Variants in MDGA2 observed in about 807,000 individuals in gnomAD.
MDGA2 encodes MAM domain containing glycosylphosphatidylinositol anchor 2.
MDGA2 carries 40 observed loss-of-function variants against 117.8 expected under a neutral mutation model. The observed-to-expected ratio is 0.34, with a 90% CI of 0.26 to 0.44. MDGA2 has a LOEUF of 0.44. MDGA2 is among the 20% of genes least tolerant of loss of function. The pLI, the probability that MDGA2 is intolerant of heterozygous loss-of-function variation, is 1.00. For missense variants in MDGA2, 1,123 were observed against 1,250.6 expected (o/e 0.90, Z 1.54); for synonymous variants, 452 against 439.0 (o/e 1.03, Z -0.37).
Position 47,567,425 on chromosome 14 carries a change from C to A in MDGA2, c.280+107092G>T, listed in dbSNP as rs1289331917. Among the ~76,000 whole-genome samples, 3 of 152,194 alleles carry A rather than the reference C, an allele frequency of 2.0e-5. No individual in the cohort carries two copies. In the East Asian group the frequency reaches 5.8e-4, roughly 29 times the overall value. Reference sequence around the variant, plus strand: ...GAAATGCTACATGTTGAATGACACACTCTAGCAACCATTCAACATTTGCTT... The same window carrying A: ...GAAATGCTACATGTTGAATGACACAATCTAGCAACCATTCAACATTTGCTT... On this transcript the variant is annotated intron_variant, in intron 1 of 16. Coordinates refer to ENST00000399232, the MANE Select transcript of MDGA2 (RefSeq NM_001113498.3).
At chr14:47,601,746 G>A (rs1594938417) in intron 1 of MDGA2, among the ~76,000 whole-genome samples, 1 of 152,152 alleles carries the variant, frequency 6.6e-6, no homozygotes, top group African/African-American at 2.4e-5. Flanking sequence ...AAGGTCAAAG[G>A]GTCATGTTTT....
chr14:47,636,981 A>C (rs1448706028), intron 1 of MDGA2, among the ~76,000 whole-genome samples: 2 of 151,988 alleles, frequency 1.3e-5, no homozygotes, highest in African/African-American at 4.8e-5. Context: ...CAAAAAAAAA[A>C]AATTAAAAAA....
Position 46,864,394 on chromosome 14 carries a change from T to C in MDGA2, c.2752+9039A>G, listed in dbSNP as rs1458512295. On this transcript the variant is annotated intron_variant, in intron 14 of 16. Transcript: ENST00000399232. ...TAACTTAATTATTTTGCCTTATTTT[T>C]ATGTCTTTACATTTTAGTTCTTTAC... Among the ~76,000 whole-genome samples the C allele has an allele frequency of 2.0e-5, 3 of 151,192 alleles. No individual in the cohort carries two copies. In the Admixed American group the frequency reaches 2.0e-4, roughly 10 times the overall value.
At position 46,860,848 on chromosome 14, in the gene MDGA2, T is replaced by C. The variant is rs112636747; in HGVS notation, c.2753-5694A>G. ...ATTCTTATATGCTTTGTTAAATATA[T>C]AAAGCATATGCTGTACACATTTTAC... On this transcript the variant is annotated intron_variant, in intron 14 of 16. Transcript: ENST00000399232. Among the ~76,000 whole-genome samples the C allele has an allele frequency of 7.9e-5, 12 of 152,110 alleles. 1 individual carries two copies. Among genetic ancestry groups the C allele is most frequent in the African/African-American group, 2.6e-4 (11 of 41,576 alleles).
intron 4 of MDGA2, among the ~76,000 whole-genome samples, chr14:47,135,256 C>G (rs1882396597): frequency 6.6e-6 from 1 of 151,992 alleles, no homozygotes; most frequent in East Asian, 1.9e-4. Flanking sequence ...GGTTGTTTTA[C>G]CATTGAATAT....
chr14:46,911,078 T>C (rs1883682535), intron 10 of MDGA2, among the ~76,000 whole-genome samples: 1 of 152,060 alleles, frequency 6.6e-6, no homozygotes, highest in Non-Finnish European at 1.5e-5. Context: ...GAAATAATCT[T>C]CACAACAAAC....
intron 8 of MDGA2, among the ~76,000 whole-genome samples, chr14:46,963,517 A>G (rs1172483369): frequency 6.6e-6 from 1 of 152,218 alleles, no homozygotes; most frequent in Non-Finnish European, 1.5e-5. Flanking sequence ...TCCCAAACAC[A>G]TAAGTTTTCT....
intron 1 of MDGA2, among the ~76,000 whole-genome samples, chr14:47,635,087 C>T (rs893836704): frequency 6.6e-6 from 1 of 151,954 alleles, no homozygotes; most frequent in African/African-American, 2.4e-5. Flanking sequence ...AGACAGAAAA[C>T]ATTTAGATCA....
chr14:47,059,488 A>G, intron 7 of MDGA2: 1 of 384,768 alleles, frequency 2.6e-6, no homozygotes, highest in South Asian at 2.1e-5. Flanking sequence ...AAATTTCACA[A>G]ATCAATGTTG....
At chr14:47,210,380 G>T (rs1040603163) in intron 3 of MDGA2, among the ~76,000 whole-genome samples, 5 of 152,012 alleles carry the variant, frequency 3.3e-5, no homozygotes, top group Admixed American at 6.6e-5. Flanking sequence ...ATTTCTTTTT[G>T]AATTAAAAAC....
chr14:47,360,002 G>A (rs1266200653), intron 1 of MDGA2, among the ~76,000 whole-genome samples: 1 of 152,052 alleles, frequency 6.6e-6, no homozygotes, highest in Non-Finnish European at 1.5e-5. Flanking sequence ...ACCAAAATAT[G>A]TAAGAAATTC....
chr14:47,172,322 C>A (rs1481551186), intron 3 of MDGA2, among the ~76,000 whole-genome samples: 4 of 152,118 alleles, frequency 2.6e-5, no homozygotes, highest in African/African-American at 7.2e-5. Context: ...AGCTGGAGAT[C>A]TCAGAACCGG....
intron 9 of MDGA2, among the ~76,000 whole-genome samples, chr14:46,941,550 C>A (rs1885000567): frequency 6.6e-6 from 1 of 152,106 alleles, no homozygotes; most frequent in South Asian, 2.1e-4. Flanking sequence ...GGTGCTTAAA[C>A]AGACACCGGG....
At chr14:47,486,828 C>T (rs1352322873) in intron 1 of MDGA2, among the ~76,000 whole-genome samples, 1 of 152,178 alleles carries the variant, frequency 6.6e-6, no homozygotes, top group African/African-American at 2.4e-5. Flanking sequence ...GATTGTGAGG[C>T]TTCCTCAGCC....
At chr14:47,489,599 T>A (rs958646300) in intron 1 of MDGA2, among the ~76,000 whole-genome samples, 1 of 152,096 alleles carries the variant, frequency 6.6e-6, no homozygotes, top group Admixed American at 6.6e-5. Flanking sequence ...AAATGGACTA[T>A]ATAAAATTTG....
At chr14:46,917,102 T>C (rs1035415631) in intron 10 of MDGA2, among the ~76,000 whole-genome samples, 12 of 151,588 alleles carry the variant, frequency 7.9e-5, no homozygotes, top group South Asian at 6.2e-4. Context: ...GAAATGAAAC[T>C]CGAAGTGGAA....
chr14:47,052,313 G>A (rs1256663341), intron 7 of MDGA2, among the ~76,000 whole-genome samples: 1 of 151,744 alleles, frequency 6.6e-6, no homozygotes, highest in Non-Finnish European at 1.5e-5. Context: ...CTGAGAATTT[G>A]AAAAAGTATT....
At chr14:47,659,376 T>C (rs920599593) in intron 1 of MDGA2, among the ~76,000 whole-genome samples, 4 of 152,216 alleles carry the variant, frequency 2.6e-5, no homozygotes, top group East Asian at 1.9e-4. Flanking sequence ...GTGACAGCTA[T>C]GTAAAATGAA....
chr14:47,177,664 T>A (rs1884528239), intron 3 of MDGA2, among the ~76,000 whole-genome samples: 1 of 151,860 alleles, frequency 6.6e-6, no homozygotes, highest in South Asian at 2.1e-4. Flanking sequence ...ATGAGGGCAG[T>A]GGGGAGGGAT....
Sources: allele counts gnomAD v4.1 joint callset (sites outside exome capture counted in the v4.1 genomes callset), GRCh38; gene constraint gnomAD v4.1.1; transcripts MANE v1.5; gene names NCBI Gene and HGNC (gene_info 2026-07-23, HGNC 2026-07-21).